Variants in FRMD3 observed in about 807,000 individuals in gnomAD.
The protein encoded by FRMD3 is FERM domain containing 3, also known as FERM domain-containing protein 3.
FRMD3 carries 33 observed loss-of-function variants against 70.2 expected under a neutral mutation model. The observed-to-expected ratio is 0.47, with a 90% CI of 0.36 to 0.63. The LOEUF (loss-of-function observed/expected upper bound fraction) is 0.63. Ranked by LOEUF, FRMD3 falls within the 20% of genes least tolerant of loss-of-function variation. FRMD3 has a pLI of 0.00. For missense variants in FRMD3, 632 were observed against 711.4 expected (o/e 0.89, Z 1.27); for synonymous variants, 279 against 255.9 (o/e 1.09, Z -0.86).
intron 1 of FRMD3, among the ~76,000 whole-genome samples, chr9:83,513,067 TTAGAGAAACA>T (rs1036020102): frequency 1.1e-4 from 16 of 152,136 alleles, no homozygotes; most frequent in African/African-American, 3.6e-4. Context: ...ATAAGGGTGC[TTAGAGAAACA>T]TAGAGAAACA....
intron 1 of FRMD3, among the ~76,000 whole-genome samples, chr9:83,447,711 C>T (rs1286059676): frequency 2.0e-5 from 3 of 152,156 alleles, no homozygotes; most frequent in African/African-American, 4.8e-5. Flanking sequence ...AGAGAGGGCA[C>T]AGAGGCCAGA....
At position 83,343,657 on chromosome 9, in the gene FRMD3, C is replaced by A. The variant is rs117631386; in HGVS notation, c.375-370G>T. Among the ~76,000 whole-genome samples, 5 of 152,344 alleles carry A rather than the reference C, an allele frequency of 3.3e-5. No homozygotes were observed. In the East Asian group the frequency reaches 9.6e-4, roughly 29 times the overall value. On this transcript the variant is annotated intron_variant, in intron 4 of 13. Transcript: ENST00000304195. ...CTAGCTGCATCTCAGGCACATGCTG[C>A]CCAAGCTCTGTTTCAAACGGAGAGC...
At position 83,507,736 on chromosome 9, in the gene FRMD3, A is replaced by ATATATATATCTATCTATC. The variant is rs1554713917; in HGVS notation, c.147+30348_147+30349insGATAGATAGATATATATA. The stretch of plus-strand genomic sequence containing the variant: ...TATATATATATATATATATATATAT[A>ATATATATATCTATCTATC]TATCTTCTGGAATATTTCCTGAAGG... On this transcript the variant is annotated intron_variant, in intron 1 of 13. Transcript: ENST00000304195. Among the ~76,000 whole-genome samples, 18 of 88,698 alleles carry ATATATATATCTATCTATC rather than the reference A, an allele frequency of 2.0e-4. 1 individual carries two copies. The highest frequency in any genetic ancestry group is 3.3e-4 in the Non-Finnish European group (14 of 42,242). 58.2% of individuals were successfully genotyped at this position (88,698 alleles called of 152,430 possible).
intron 1 of FRMD3, among the ~76,000 whole-genome samples, chr9:83,516,615 A>T (rs776288552): frequency 5.2e-4 from 79 of 152,348 alleles, no homozygotes; most frequent in Non-Finnish European, 9.7e-4. Flanking sequence ...CTTTGGACCA[A>T]GCGAACCTAA....
chr9:83,299,032 C>T (rs1277501123), intron 11 of FRMD3, 80 bp downstream of exon 11: 1 of 1,132,288 alleles, frequency 8.8e-7, no homozygotes, highest in Non-Finnish European at 1.3e-6. Flanking sequence ...CCAAAGGCCA[C>T]TTATTTGCAA....
chr9:83,382,807 T>C (rs1825396774), intron 2 of FRMD3, among the ~76,000 whole-genome samples: 1 of 152,170 alleles, frequency 6.6e-6, no homozygotes. Flanking sequence ...TTTGAAGTCA[T>C]GAAAGACTTC....
At chr9:83,535,608 A>G (rs1410018401) in intron 1 of FRMD3, among the ~76,000 whole-genome samples, 2 of 133,248 alleles carry the variant, frequency 1.5e-5, no homozygotes, top group African/African-American at 5.2e-5. Context: ...ACATTATGAG[A>G]CTTTTTGTGA....
intron 5 of FRMD3, among the ~76,000 whole-genome samples, chr9:83,341,776 G>C (rs868414339): frequency 6.6e-6 from 1 of 152,112 alleles, no homozygotes; most frequent in Non-Finnish European, 1.5e-5. Flanking sequence ...CCCAGGGAAG[G>C]GGGTGAAGAA....
At chr9:83,449,418 G>A (rs1045778952) in intron 1 of FRMD3, among the ~76,000 whole-genome samples, 2 of 152,182 alleles carry the variant, frequency 1.3e-5, no homozygotes, top group African/African-American at 2.4e-5. Context: ...GATCACATAA[G>A]CTTCCTGGTT....
the FRMD3 span, among the ~76,000 whole-genome samples, chr9:83,576,055 T>C: frequency 1.3e-5 from 2 of 150,746 alleles, no homozygotes; most frequent in African/African-American, 4.9e-5. Flanking sequence ...AAAAAAAAAA[T>C]AAAAAATTTT....
the FRMD3 span, among the ~76,000 whole-genome samples, chr9:83,585,379 T>A: frequency 6.6e-6 from 1 of 152,234 alleles, no homozygotes; most frequent in Middle Eastern, 3.2e-3. Flanking sequence ...GAAACTCTTA[T>A]TTGCCTAATC....
At chr9:83,322,842 G>A (rs192263793) in intron 6 of FRMD3, among the ~76,000 whole-genome samples, 121 of 152,290 alleles carry the variant, frequency 7.9e-4, no homozygotes, top group African/African-American at 2.6e-3. Context: ...CCTCTCTGGT[G>A]AATCCCAGAA....
chr9:83,286,076 A>C (rs1049188666), intron 13 of FRMD3, among the ~76,000 whole-genome samples: 2 of 152,188 alleles, frequency 1.3e-5, no homozygotes, highest in African/African-American at 4.8e-5. Context: ...GTTTTCCCAG[A>C]ACACCACTGC....
At chr9:83,453,460 G>T (rs1009606845) in intron 1 of FRMD3, among the ~76,000 whole-genome samples, 1 of 151,924 alleles carries the variant, frequency 6.6e-6, no homozygotes, top group Non-Finnish European at 1.5e-5. Context: ...GAATAGTTTG[G>T]ATACGGGATA....
At chr9:83,389,090 G>A (rs1204548446) in intron 2 of FRMD3, among the ~76,000 whole-genome samples, 2 of 151,934 alleles carry the variant, frequency 1.3e-5, no homozygotes, top group East Asian at 3.9e-4. Flanking sequence ...TGTGATGACA[G>A]GCACATGCCA....
At chr9:83,316,060 A>T (rs1835554052) in intron 6 of FRMD3, among the ~76,000 whole-genome samples, 1 of 151,226 alleles carries the variant, frequency 6.6e-6, no homozygotes, top group Non-Finnish European at 1.5e-5. Context: ...ATTTTCTCCT[A>T]TTCCTTTTCT....
intron 5 of FRMD3, among the ~76,000 whole-genome samples, chr9:83,337,846 C>T (rs1214819696): frequency 6.6e-6 from 1 of 152,172 alleles, no homozygotes; most frequent in East Asian, 1.9e-4. Context: ...TATACCACAG[C>T]GAGGGAAGAC....
chr9:83,347,683 C>T (rs761405338), intron 4 of FRMD3, among the ~76,000 whole-genome samples: 2 of 152,028 alleles, frequency 1.3e-5, no homozygotes, highest in Non-Finnish European at 2.9e-5. Context: ...TGAATATGAT[C>T]GTAACTTCTC....
At chr9:83,328,344 G>A (rs1265840024) in intron 6 of FRMD3, among the ~76,000 whole-genome samples, 7 of 152,144 alleles carry the variant, frequency 4.6e-5, no homozygotes, top group Admixed American at 6.5e-5. Context: ...AACCCCAGTC[G>A]CAACTGAAGC....
Sources: allele counts gnomAD v4.1 joint callset (sites outside exome capture counted in the v4.1 genomes callset), GRCh38; gene constraint gnomAD v4.1.1; transcripts MANE v1.5; gene names NCBI Gene and HGNC (gene_info 2026-07-23, HGNC 2026-07-21).